CSMD1: variants seen among roughly 807,000 people sequenced by gnomAD.
CSMD1 encodes the protein CUB and sushi domain-containing protein 1.
A neutral mutation model predicts 417.5 loss-of-function variants in CSMD1; 213 were observed. The observed-to-expected ratio is 0.51, with a 90% CI of 0.46 to 0.57. The LOEUF (loss-of-function observed/expected upper bound fraction) is 0.57, where lower values mean the gene tolerates loss of function less well. CSMD1 is among the 20% of genes least tolerant of loss of function. The pLI is 0.00. For synonymous variants in CSMD1, 2,862 were observed against 1,736.8 expected (o/e 1.65, Z -16.11); for missense variants, 6,923 against 4,529.7 (o/e 1.53, Z -15.17).
chr8:4,511,652 C>A (rs1318564999), intron 2 of CSMD1, among the ~76,000 whole-genome samples: 2 of 152,096 alleles, frequency 1.3e-5, no homozygotes, highest in Non-Finnish European at 2.9e-5. Flanking sequence ...GGGCAGAAAC[C>A]CACAAGCACA....
intron 41 of CSMD1, among the ~76,000 whole-genome samples, chr8:3,134,891 C>T (rs150003584): frequency 2.0e-5 from 3 of 152,234 alleles, no homozygotes; most frequent in South Asian, 2.1e-4. Flanking sequence ...TAGAGTGTGG[C>T]GCAGAGTGAG....
At chr8:3,339,113 A>AC (rs1196260821) in intron 23 of CSMD1, among the ~76,000 whole-genome samples, 2 of 151,276 alleles carry the variant, frequency 1.3e-5, no homozygotes, top group African/African-American at 4.9e-5. Flanking sequence ...GCGATAGTTT[A>AC]CTGAGAATGA....
At chr8:4,264,207 G>C (rs953875970) in intron 3 of CSMD1, among the ~76,000 whole-genome samples, 1 of 152,132 alleles carries the variant, frequency 6.6e-6, no homozygotes, top group African/African-American at 2.4e-5. Flanking sequence ...TTACCAACGT[G>C]ACTACAATTA....
At chr8:4,767,183 G>C (rs564173657) in intron 1 of CSMD1, among the ~76,000 whole-genome samples, 2 of 152,264 alleles carry the variant, frequency 1.3e-5, no homozygotes, top group African/African-American at 4.8e-5. Flanking sequence ...ACACTGAAAA[G>C]CCCTTAGCTT....
At chr8:4,947,809 CA>C (rs1745317690) in intron 1 of CSMD1, among the ~76,000 whole-genome samples, 1 of 152,066 alleles carries the variant, frequency 6.6e-6, no homozygotes, top group Non-Finnish European at 1.5e-5. Context: ...TTCTAAAACT[CA>C]TCAAGTTTTT....
intron 5 of CSMD1, among the ~76,000 whole-genome samples, chr8:3,882,878 T>A (rs527439757): frequency 6.6e-6 from 1 of 152,298 alleles, no homozygotes; most frequent in South Asian, 2.1e-4. Flanking sequence ...GAGTTGGGAC[T>A]GACGATTTCA....
chr8:4,980,260 G>A (rs1810812962), intron 1 of CSMD1, among the ~76,000 whole-genome samples: 1 of 152,162 alleles, frequency 6.6e-6, no homozygotes, highest in Admixed American at 6.5e-5. Context: ...TTAAGTTTAA[G>A]CCCAGAACTT....
chr8:3,588,112 C>CTTTTTTTTTTTTTTTTTTTTTT (rs1563177874), intron 8 of CSMD1, among the ~76,000 whole-genome samples: 2 of 151,822 alleles, frequency 1.3e-5, no homozygotes, highest in African/African-American at 4.9e-5. Flanking sequence ...TTTGTGTTTT[C>CTTTTTTTTTTTTTTTTTTTTTT]TATTCCAGGT....
At chr8:4,443,610 C>T (rs185276523) in intron 2 of CSMD1, among the ~76,000 whole-genome samples, 4 of 152,254 alleles carry the variant, frequency 2.6e-5, no homozygotes, top group East Asian at 1.9e-4. Context: ...AAGAAAACTT[C>T]GCATTCAAAG....
At chr8:4,042,618 G>C (rs964672371) in intron 3 of CSMD1, among the ~76,000 whole-genome samples, 2 of 151,528 alleles carry the variant, frequency 1.3e-5, no homozygotes, top group South Asian at 4.2e-4. Context: ...CCCGTATGGG[G>C]AATTATAAAA....
chr8:3,268,877 C>T lies in CSMD1; in HGVS notation c.4153+15267G>A, dbSNP rs1383339178. On this transcript the variant is annotated intron_variant, in intron 26 of 69. Coordinates refer to ENST00000635120, the MANE Select transcript of CSMD1 (RefSeq NM_033225.6). ...TGGACAAACACCCTTCCAACATGAG[C>T]TGGATTCATATTAGCAGAAAGGTGG... Among the ~76,000 whole-genome samples the T allele has an allele frequency of 4.6e-5, 7 of 152,238 alleles. No homozygotes were observed. In the East Asian group the frequency reaches 1.4e-3, roughly 30 times the overall value.
intron 2 of CSMD1, among the ~76,000 whole-genome samples, chr8:4,565,599 C>A (rs1238537982): frequency 6.6e-6 from 1 of 151,534 alleles, no homozygotes; most frequent in Non-Finnish European, 1.5e-5. Flanking sequence ...GCTGGGTGTG[C>A]TTACAGGCAC....
At chr8:4,438,103 T>C (rs1171387856) in intron 2 of CSMD1, among the ~76,000 whole-genome samples, 1 of 152,176 alleles carries the variant, frequency 6.6e-6, no homozygotes. Flanking sequence ...GTTCCTGCTG[T>C]TTCTAGCACA....
chr8:2,997,175 G>C (rs939334710), intron 54 of CSMD1, among the ~76,000 whole-genome samples: 7 of 152,260 alleles, frequency 4.6e-5, no homozygotes, highest in African/African-American at 1.7e-4. Flanking sequence ...ACAGTGACTA[G>C]TATTTTAGGG....
intron 3 of CSMD1, among the ~76,000 whole-genome samples, chr8:4,120,702 T>C (rs1802438512): frequency 6.6e-6 from 1 of 152,190 alleles, no homozygotes; most frequent in Non-Finnish European, 1.5e-5. Context: ...CAAATACATA[T>C]TCAGAAACAC....
chr8:4,434,355 G>C (rs1217648), intron 2 of CSMD1, among the ~76,000 whole-genome samples: 2 of 151,934 alleles, frequency 1.3e-5, no homozygotes, highest in Non-Finnish European at 2.9e-5. Flanking sequence ...AACAGCATGA[G>C]ACTGTCTCTA....
At chr8:4,021,576 C>A (rs904937746) in intron 4 of CSMD1, among the ~76,000 whole-genome samples, 3 of 152,188 alleles carry the variant, frequency 2.0e-5, no homozygotes, top group African/African-American at 7.2e-5. Context: ...GGATCATCCT[C>A]ATGCTAAGTC....
chr8:3,795,456 T>C (rs1222008697), intron 5 of CSMD1, among the ~76,000 whole-genome samples: 1 of 19,278 alleles, frequency 5.2e-5, no homozygotes, highest in African/African-American at 1.9e-4. Context: ...ATCATAGATA[T>C]AGATATATAT....
chr8:3,294,279 C>G (rs1327767187), intron 25 of CSMD1, among the ~76,000 whole-genome samples: 2 of 152,270 alleles, frequency 1.3e-5, no homozygotes, highest in East Asian at 3.9e-4. Flanking sequence ...CAGGGACCCC[C>G]TTGAGGAGGC....
Sources: allele counts gnomAD v4.1 joint callset (sites outside exome capture counted in the v4.1 genomes callset), GRCh38; gene constraint gnomAD v4.1.1; transcripts MANE v1.5; gene names NCBI Gene and HGNC (gene_info 2026-07-23, HGNC 2026-07-21).